GRIA1: variants seen among roughly 807,000 people sequenced by gnomAD.
GRIA1 encodes glutamate receptor 1.
In GRIA1, 31 loss-of-function variants were observed where a neutral mutation model predicts 99.2. That is an observed-to-expected ratio of 0.31 (90% CI 0.23 to 0.42). The LOEUF (loss-of-function observed/expected upper bound fraction) is 0.42, where lower values mean the gene tolerates loss of function less well. Among genes scored for constraint, GRIA1 ranks in the 10% least tolerant of loss-of-function variants. The pLI is 1.00. For synonymous variants in GRIA1, 438 were observed against 432.4 expected (o/e 1.01, Z -0.16); for missense variants, 782 against 1,157.5 (o/e 0.68, Z 4.71).
rs568082355 is a variant in GRIA1, at chr5:153,642,574, T to G, written c.221-4354T>G. ...AGATCTCAACTCTACAGTTTGGAGC[T>G]GCAGTGAGCCATGATGGCACCACTG... On this transcript the variant is annotated intron_variant, in intron 2 of 15. Coordinates refer to ENST00000285900, the MANE Select transcript of GRIA1 (RefSeq NM_000827.4). 1.1e-3 allele frequency among the ~76,000 whole-genome samples: 171 copies of G among 150,486 alleles called. 1 individual carries two copies. In the South Asian group the frequency reaches 0.015, roughly 14 times the overall value.
chr5:153,799,189 G>C (rs1483335513), intron 14 of GRIA1, among the ~76,000 whole-genome samples: 1 of 152,134 alleles, frequency 6.6e-6, no homozygotes, highest in African/African-American at 2.4e-5. Context: ...TCTCTCCCCT[G>C]TCCCCGATCA....
At chr5:153,631,272 C>T (rs539982416) in intron 2 of GRIA1, among the ~76,000 whole-genome samples, 1 of 152,200 alleles carries the variant, frequency 6.6e-6, no homozygotes, top group Non-Finnish European at 1.5e-5. Context: ...CACACTCTCT[C>T]TAAAGACTCC....
chr5:153,663,432 A>T (rs892711804), intron 5 of GRIA1, among the ~76,000 whole-genome samples: 1 of 152,230 alleles, frequency 6.6e-6, no homozygotes, highest in Non-Finnish European at 1.5e-5. Context: ...TTCTTCCTTA[A>T]ACTGCCTGGG....
At chr5:153,527,818 T>C (rs1757740112) in intron 2 of GRIA1, among the ~76,000 whole-genome samples, 1 of 152,222 alleles carries the variant, frequency 6.6e-6, no homozygotes, top group Non-Finnish European at 1.5e-5. Context: ...GTTGGTGAAA[T>C]GGAACATTTC....
rs568557421 is a variant in GRIA1 at position 153,717,137 on chromosome 5, A to G, written c.1823+11070A>G. Among the ~76,000 whole-genome samples the G allele has an allele frequency of 1.2e-4, 18 of 152,298 alleles. 1 individual carries two copies. Among genetic ancestry groups the G allele is most frequent in the African/African-American group, 4.3e-4 (18 of 41,570 alleles). On this transcript the variant is annotated intron_variant, in intron 11 of 15. Transcript: ENST00000285900. ...CAAATTACAGGCTCTTTTCACTGCC[A>G]CATGCTGCCTCCCTGGAACACAGGA...
intron 2 of GRIA1, among the ~76,000 whole-genome samples, chr5:153,497,308 T>C (rs1754537549): frequency 6.6e-6 from 1 of 152,242 alleles, no homozygotes; most frequent in Non-Finnish European, 1.5e-5. Context: ...TTTTGGTGCC[T>C]TTGTGGTAAG....
intron 2 of GRIA1, among the ~76,000 whole-genome samples, chr5:153,497,608 C>A (rs1319494832): frequency 2.0e-5 from 3 of 152,048 alleles, no homozygotes; most frequent in African/African-American, 7.3e-5. Flanking sequence ...TTGTTTAAAG[C>A]AAGACTCATG....
intron 12 of GRIA1, among the ~76,000 whole-genome samples, chr5:153,767,123 G>A (rs1233240648): frequency 6.6e-6 from 1 of 152,036 alleles, no homozygotes; most frequent in Non-Finnish European, 1.5e-5. Flanking sequence ...CAGGTATGAG[G>A]CATTCCTACC....
At chr5:153,685,769 C>T (rs536444275) in intron 7 of GRIA1, among the ~76,000 whole-genome samples, 5 of 152,302 alleles carry the variant, frequency 3.3e-5, no homozygotes, top group South Asian at 4.1e-4. Flanking sequence ...CCAAGCATAG[C>T]TTAAGGCTTC....
chr5:153,657,227 A>G (rs908560094), intron 5 of GRIA1, among the ~76,000 whole-genome samples: 1 of 152,228 alleles, frequency 6.6e-6, no homozygotes, highest in African/African-American at 2.4e-5. Flanking sequence ...GGGTTATATG[A>G]TAACTCTATG....
intron 2 of GRIA1, among the ~76,000 whole-genome samples, chr5:153,641,973 G>A (rs1753806103): frequency 6.6e-6 from 1 of 152,210 alleles, no homozygotes; most frequent in Non-Finnish European, 1.5e-5. Flanking sequence ...CTTCACAAAT[G>A]CCAGATACTG....
chr5:153,582,177 T>G (rs1178639871), intron 2 of GRIA1, among the ~76,000 whole-genome samples: 2 of 152,220 alleles, frequency 1.3e-5, no homozygotes, highest in Non-Finnish European at 2.9e-5. Context: ...CAATCCTCTC[T>G]TTTTACAGAG....
At chr5:153,676,639 A>T (rs977495494) in intron 6 of GRIA1, among the ~76,000 whole-genome samples, 1 of 152,204 alleles carries the variant, frequency 6.6e-6, no homozygotes, top group Non-Finnish European at 1.5e-5. Flanking sequence ...GATGTGTTAT[A>T]TGTAATCTAT....
At chr5:153,752,342 A>G (rs190035921) in intron 11 of GRIA1, among the ~76,000 whole-genome samples, 102 of 152,026 alleles carry the variant, frequency 6.7e-4, no homozygotes, top group Admixed American at 4.5e-3. Context: ...CTTCTGGTAA[A>G]TTTTCCTGAC....
rs766845080 is a variant in GRIA1 at position 153,802,531 on chromosome 5, T to G, written c.2520+41T>G. On this transcript the variant is annotated intron_variant, in intron 15 of 15. Transcript: ENST00000285900. ...CGGGCCTTTTTCCTAACCTGTTCTG[T>G]GATGCAGCTGGGTTTCCTGGGAGTC... The G allele has an allele frequency of 1.9e-6, 3 of 1,608,824 alleles. No individual in the cohort carries two copies. In the East Asian group the frequency reaches 6.7e-5, roughly 36 times the overall value.
At chr5:153,660,243 A>T (rs1755264196) in intron 5 of GRIA1, among the ~76,000 whole-genome samples, 1 of 152,206 alleles carries the variant, frequency 6.6e-6, no homozygotes, top group Non-Finnish European at 1.5e-5. Flanking sequence ...TTAAACCCCT[A>T]ATAAATTACA....
At chr5:153,640,897 A>G (rs983178102) in intron 2 of GRIA1, among the ~76,000 whole-genome samples, 1 of 152,128 alleles carries the variant, frequency 6.6e-6, no homozygotes, top group African/African-American at 2.4e-5. Context: ...TCCTAAGTAA[A>G]TGTGATATTG....
At chr5:153,701,954 C>T (rs561883205) in intron 10 of GRIA1, among the ~76,000 whole-genome samples, 83 of 152,310 alleles carry the variant, frequency 5.4e-4, no homozygotes, top group African/African-American at 1.6e-3. Context: ...ATACTTTACT[C>T]ACATTCTTTC....
chr5:153,738,331 A>G (rs1014344223), intron 11 of GRIA1, among the ~76,000 whole-genome samples: 5 of 149,722 alleles, frequency 3.3e-5, no homozygotes, highest in African/African-American at 4.8e-5. Flanking sequence ...GGGAGACAAG[A>G]GTAGGGAAAG....
Sources: gnomAD v4.1 joint callset for allele counts (sites outside exome capture counted in the v4.1 genomes callset) on GRCh38, gnomAD v4.1.1 for gene constraint, MANE v1.5 for transcripts, NCBI Gene and HGNC (gene_info 2026-07-23, HGNC 2026-07-21) for gene names.